IL6R: variants seen among roughly 807,000 people sequenced by gnomAD.
The protein encoded by IL6R is interleukin 6 receptor, also known as interleukin-6 receptor subunit alpha.
IL6R carries 38 observed loss-of-function variants against 48.3 expected under a neutral mutation model. The observed-to-expected ratio is 0.79, with a 90% CI of 0.61 to 1.03. IL6R has a LOEUF of 1.03. Ranked by LOEUF, IL6R falls within the 50% of genes least tolerant of loss-of-function variation. The pLI is 0.00. For missense variants in IL6R, 534 were observed against 618.3 expected, an observed-to-expected ratio of 0.86 and a Z score of 1.45; for synonymous variants, 264 against 256.2, an observed-to-expected ratio of 1.03 and a Z score of -0.29.
intron 3 of IL6R, among the ~76,000 whole-genome samples, 167 bp downstream of exon 3, chr1:154,430,773 C>A (rs748185657): frequency 6.6e-6 from 1 of 152,214 alleles, no homozygotes; most frequent in Non-Finnish European, 1.5e-5. Flanking sequence ...GACTGCCCCC[C>A]CTGAGCTAGG....
chr1:154,430,689 CA>C (rs1158056656), intron 3 of IL6R, 83 bp downstream of exon 3: 2 of 1,538,728 alleles, frequency 1.3e-6, no homozygotes, highest in Admixed American at 3.6e-5. Flanking sequence ...CAGGTGATTT[CA>C]AAACATTATC....
intron 3 of IL6R, among the ~76,000 whole-genome samples, chr1:154,432,388 C>T (rs1242780057): frequency 7.1e-6 from 1 of 141,280 alleles, no homozygotes; most frequent in Non-Finnish European, 1.5e-5. Context: ...GATGGAGTTT[C>T]GCTCTGTCGC....
chr1:154,418,365 C>T (rs1688471213), intron 1 of IL6R: 2 of 980,264 alleles, frequency 2.0e-6, no homozygotes, highest in African/African-American at 1.7e-5. Flanking sequence ...CCAAAGGAGC[C>T]TCCCTCCCAG....
chr1:154,453,444 G>C (rs1053689719), intron 8 of IL6R, among the ~76,000 whole-genome samples: 1 of 152,156 alleles, frequency 6.6e-6, no homozygotes, highest in Non-Finnish European at 1.5e-5. Context: ...TTGCATTTTG[G>C]GTAGAAGAGC....
chr1:154,465,415 G>A lies in IL6R; in HGVS notation c.*35G>A. 6.2e-7 allele frequency: 1 copy of A among 1,611,744 alleles called. No individual in the cohort carries two copies. On this transcript the variant is annotated 3_prime_UTR_variant, in exon 10 of 10. Transcript: ENST00000368485. ...TGGCACCAGCAGCCTGGACCCTGTG[G>A]ATGATAAAACACAAACGGGCTCAGC...
chr1:154,443,593 G>A (rs116141616), intron 6 of IL6R, among the ~76,000 whole-genome samples: 2,764 of 152,298 alleles, frequency 0.018, 59 homozygotes, highest in South Asian at 0.056. Context: ...ACGACCCTGG[G>A]GAAGTACCTC....
chr1:154,423,858 AG>A (rs1688826203), intron 1 of IL6R, among the ~76,000 whole-genome samples: 1 of 152,184 alleles, frequency 6.6e-6, no homozygotes, highest in Non-Finnish European at 1.5e-5. Context: ...GGGAAAAAAA[AG>A]TATTTTTATT....
intron 3 of IL6R, among the ~76,000 whole-genome samples, chr1:154,431,080 T>C (rs570237507): frequency 3.9e-5 from 6 of 151,970 alleles, no homozygotes; most frequent in Non-Finnish European, 1.5e-5. Context: ...CTTGTGGGCG[T>C]ATCAGGCTAT....
chr1:154,434,670 A>G lies in IL6R; in HGVS notation c.610A>G (p.Lys204Glu), dbSNP rs1415871641. 14 of 1,614,168 alleles carry G rather than the reference A, an allele frequency of 8.7e-6. No individual in the cohort carries two copies. The highest frequency in any genetic ancestry group is 1.2e-5 in the Non-Finnish European group (14 of 1,180,026). ...CAGTAGTGTCGGGAGCAAGTTCAGC[A>G]AAACTCAAACCTTTCAGGGTTGTGG... is the stretch of plus-strand genomic sequence containing the variant. ...VASSVGSKFS[K>E]TQTFQGCGIL... Residue 204 changes from lysine (K) to glutamate (E), a missense_variant, in exon 4 of 10, where the codon AAA (lysine) becomes GAA (glutamate). By Grantham distance (56) the Lys-to-Glu change is moderately conservative. Coordinates refer to ENST00000368485, the MANE Select transcript of IL6R (RefSeq NM_000565.4).
Position 154,466,588 on chromosome 1 carries a change from T to G in IL6R, c.*1208T>G, listed in dbSNP as rs2149281820. 1 of 152,756 alleles carries G rather than the reference T, an allele frequency of 6.5e-6. No individual in the cohort carries two copies. Among genetic ancestry groups the G allele is most frequent in the South Asian group, 2.1e-4 (1 of 4,838 alleles). The allele number at this position is 152,756 out of a possible 1,614,324, so 9.5% of individuals were successfully genotyped here. A position where few individuals can be genotyped will look rare whatever the true frequency, so the allele number is the denominator to read the frequency against. ...AGAAAAAATATTTTCCTGCCAGGCATGGTGGCCCACGCACTTCGGGAGGTC... is the reference window on the plus strand; with the variant it reads ...AGAAAAAATATTTTCCTGCCAGGCAGGGTGGCCCACGCACTTCGGGAGGTC... On this transcript the variant is annotated 3_prime_UTR_variant, in exon 10 of 10. Coordinates refer to ENST00000368485, the MANE Select transcript of IL6R (RefSeq NM_000565.4).
intron 6 of IL6R, 60 bp from the exon 7 acceptor site, chr1:154,448,065 C>G (rs919619595): frequency 1.4e-6 from 2 of 1,387,596 alleles, no homozygotes; most frequent in East Asian, 4.6e-5. Flanking sequence ...TGCTGAAGCC[C>G]CTGAGACAGG....
chr1:154,460,371 G>A (rs944113428), intron 9 of IL6R, among the ~76,000 whole-genome samples: 3 of 152,012 alleles, frequency 2.0e-5, no homozygotes, highest in East Asian at 3.9e-4. Context: ...ATTCATACTC[G>A]CCTTAGAATA....
chr1:154,436,958 A>G (rs79778789), intron 6 of IL6R, among the ~76,000 whole-genome samples: 5,385 of 152,278 alleles, frequency 0.035, 383 homozygotes, highest in East Asian at 0.25. Context: ...TTCTAGGTAC[A>G]TGTATGTGTG....
At chr1:154,418,851 C>T (rs1457949123) in intron 1 of IL6R, among the ~76,000 whole-genome samples, 1 of 152,058 alleles carries the variant, frequency 6.6e-6, no homozygotes, top group Non-Finnish European at 1.5e-5. Flanking sequence ...CCCCAGTGCC[C>T]CATTAGGTTG....
intron 9 of IL6R, among the ~76,000 whole-genome samples, chr1:154,462,931 C>A (rs979555001): frequency 6.6e-6 from 1 of 152,180 alleles, no homozygotes; most frequent in South Asian, 2.1e-4. Flanking sequence ...CGTCAGCCTC[C>A]CAAGTAGCTG....
chr1:154,409,129 T>C (rs1353508575), intron 1 of IL6R, among the ~76,000 whole-genome samples: 1 of 152,174 alleles, frequency 6.6e-6, no homozygotes, highest in Non-Finnish European at 1.5e-5. Context: ...CAGGAGACCC[T>C]GTCTCCAAAA....
Position 154,405,598 on chromosome 1 carries a change from C to CGG in IL6R, c.-30_-29dup, listed in dbSNP as rs1687656407. On this transcript the variant is annotated 5_prime_UTR_variant, in exon 1 of 10. Coordinates refer to ENST00000368485, the MANE Select transcript of IL6R (RefSeq NM_000565.4). This position sits in a 1 kb window ranked among gnomAD's most constrained non-coding sequence, Gnocchi z 5.2. ...GTTCCCATTAGCCTGTCCGCCTCTG[C>CGG]GGGACCATGGAGTGGTAGCCGAGGA... 6.7e-7 allele frequency: 1 copy of CGG among 1,493,344 alleles called. No individual in the cohort carries two copies. Among genetic ancestry groups the CGG allele is most frequent in the Admixed American group, 2.0e-5 (1 of 49,446 alleles). The allele number at this position is 1,493,344 out of a possible 1,614,324, so 92.5% of individuals were successfully genotyped here. A position where few individuals can be genotyped will look rare whatever the true frequency, so the allele number is the denominator to read the frequency against.
intron 4 of IL6R, 88 bp from the exon 5 acceptor site, chr1:154,434,902 G>A (rs911323830): frequency 2.4e-5 from 34 of 1,420,930 alleles, no homozygotes; most frequent in Non-Finnish European, 3.0e-5. Context: ...GGGCTGGGTG[G>A]GGCCCTGCTT....
intron 3 of IL6R, among the ~76,000 whole-genome samples, chr1:154,432,740 T>A (rs1256347335): frequency 6.6e-6 from 1 of 152,140 alleles, no homozygotes; most frequent in Non-Finnish European, 1.5e-5. Flanking sequence ...TGCCTTTGCT[T>A]CCATCTGCTT....
Sources: gnomAD v4.1 joint callset for allele counts (sites outside exome capture counted in the v4.1 genomes callset) on GRCh38, gnomAD v4.1.1 for gene constraint, Gnocchi (gnomAD v3.1) non-coding constraint, MANE v1.5 for transcripts, NCBI Gene and HGNC (gene_info 2026-07-23, HGNC 2026-07-21) for gene names.